BCL11B: variants seen among roughly 807,000 people sequenced by gnomAD.
BCL11B encodes BCL11 transcription factor B.
In BCL11B, 8 loss-of-function variants were observed where a neutral mutation model predicts 49.9. The observed-to-expected ratio is 0.16, with a 90% CI of 0.09 to 0.29. BCL11B has a LOEUF of 0.29. Among genes scored for constraint, BCL11B ranks in the 10% least tolerant of loss-of-function variants. BCL11B has a pLI of 1.00. For missense variants in BCL11B, 1,006 were observed against 1,351.0 expected (o/e 0.74, Z 4.00); for synonymous variants, 739 against 637.4 (o/e 1.16, Z -2.40).
At position 99,176,199 on chromosome 14, in the gene BCL11B, G is replaced by C. The variant is rs1226682667; in HGVS notation, c.641-4C>G. ...TAGCTGGAAGGCTCATCTTTACCTG[G>C]GGAAACACACGGACAGAAAGGCAGA... On this transcript the variant is annotated splice_region_variant and splice_polypyrimidine_tract_variant and intron_variant, in intron 3 of 3. Coordinates refer to ENST00000357195, the MANE Select transcript of BCL11B (RefSeq NM_138576.4). 1 of 1,609,902 alleles carries C rather than the reference G, an allele frequency of 6.2e-7. No individual in the cohort carries two copies. The highest frequency in any genetic ancestry group is 1.3e-5 in the African/African-American group (1 of 74,582).
chr14:99,245,458 G>A (rs1252703180), intron 2 of BCL11B, among the ~76,000 whole-genome samples: 19 of 152,208 alleles, frequency 1.2e-4, no homozygotes, highest in Admixed American at 1.2e-3. Flanking sequence ...CTTTGAGATG[G>A]GGCTGTTGCC....
Position 99,248,904 on chromosome 14 carries a change from C to A in BCL11B, c.427+8567G>T, listed in dbSNP as rs1021786014. Among the ~76,000 whole-genome samples the A allele has an allele frequency of 2.0e-5, 3 of 152,140 alleles. No homozygotes were observed. Among genetic ancestry groups the A allele is most frequent in the African/African-American group, 2.4e-5 (1 of 41,416 alleles). On this transcript the variant is annotated intron_variant, in intron 2 of 3. Transcript: ENST00000357195. This position sits in a 1 kb window ranked among gnomAD's most constrained non-coding sequence, Gnocchi z 4.7. ...GCTCAAGGTCACACAGCATGCCAGC[C>A]ACAGTAGGATGCCATCCTAGGTCTC...
rs1006376137 is a variant in BCL11B at position 99,213,812 on chromosome 14, C to A, written c.640+17533G>T. ...GGCAACAAGGCACAGGGGCCCCTGG[C>A]AAGGGCCCCCCGAGGGGCTGCCCCG... On this transcript the variant is annotated intron_variant, in intron 3 of 3. Coordinates refer to ENST00000357195, the MANE Select transcript of BCL11B (RefSeq NM_138576.4). This position sits in a 1 kb window ranked among gnomAD's most constrained non-coding sequence, Gnocchi z 5.1. 5.3e-5 allele frequency among the ~76,000 whole-genome samples: 8 copies of A among 152,302 alleles called. No homozygotes were observed. In the South Asian group the frequency reaches 1.2e-3, roughly 24 times the overall value.
At chr14:99,245,967 G>A (rs1199958237) in intron 2 of BCL11B, among the ~76,000 whole-genome samples, 1 of 152,128 alleles carries the variant, frequency 6.6e-6, no homozygotes, top group African/African-American at 2.4e-5. Context: ...GAAAGGAGCC[G>A]GGAAAAAAGA....
At chr14:99,264,052 CG>C (rs1889411534) in intron 1 of BCL11B, 1 of 152,238 alleles carries the variant, frequency 6.6e-6, no homozygotes, top group Non-Finnish European at 1.5e-5. Flanking sequence ...AGAGCCACAA[CG>C]GGCTCCTAAC....
rs1412660849 is a variant in BCL11B, at chr14:99,271,298, GCGCCGCTGCCGCCGCTGCCGCCGC to G, written c.-104_-81del. On this transcript the variant is annotated 5_prime_UTR_variant, in exon 1 of 4. Transcript: ENST00000357195. ...GGGGGAGGGGGTCCGAGCCGCCGCC[GCGCCGCTGCCGCCGCTGCCGCCGC>G]CGCCGCCGCCGCCGCACCTCCTCCT... The G allele has an allele frequency of 5.6e-6, 5 of 885,166 alleles. No individual in the cohort carries two copies. The highest frequency in any genetic ancestry group is 3.4e-5 in the East Asian group (1 of 29,330). 54.8% of individuals were successfully genotyped at this position (885,166 alleles called of 1,614,324 possible).
rs1326589103 is a variant in BCL11B at position 99,228,294 on chromosome 14, A to G, written c.640+3051T>C. On this transcript the variant is annotated intron_variant, in intron 3 of 3. Transcript: ENST00000357195. This position sits in a 1 kb window ranked among gnomAD's most constrained non-coding sequence, Gnocchi z 4.8. Reference sequence around the variant, plus strand: ...ACTACTAATTAAACAGGCACTAAAAACACTTAAGCAAACAGCCCAGTGCCA... The same window carrying G: ...ACTACTAATTAAACAGGCACTAAAAGCACTTAAGCAAACAGCCCAGTGCCA... 6.6e-6 allele frequency among the ~76,000 whole-genome samples: 1 copy of G among 152,192 alleles called. No homozygotes were observed. Among genetic ancestry groups the G allele is most frequent in the Non-Finnish European group, 1.5e-5 (1 of 68,020 alleles).
At chr14:99,181,708 G>A (rs1013236386) in intron 3 of BCL11B, among the ~76,000 whole-genome samples, 8 of 152,218 alleles carry the variant, frequency 5.3e-5, no homozygotes, top group African/African-American at 1.9e-4. Context: ...AAGCGAGCCT[G>A]CGGGGTATGA....
At chr14:99,239,503 T>C (rs775508632) in intron 2 of BCL11B, among the ~76,000 whole-genome samples, 1 of 152,310 alleles carries the variant, frequency 6.6e-6, no homozygotes, top group Admixed American at 6.5e-5. Context: ...CCCTCAGATA[T>C]GTTCCTATTT....
chr14:99,189,272 C>T (rs1231930828), intron 3 of BCL11B, among the ~76,000 whole-genome samples: 1 of 152,254 alleles, frequency 6.6e-6, no homozygotes, highest in Non-Finnish European at 1.5e-5. Flanking sequence ...GTGGTCATCT[C>T]GCCAGGCACA....
intron 3 of BCL11B, among the ~76,000 whole-genome samples, chr14:99,203,281 C>T (rs1194888215): frequency 6.6e-6 from 1 of 152,088 alleles, no homozygotes; most frequent in Non-Finnish European, 1.5e-5. Context: ...CCTGTAAATC[C>T]CATCATCAAA....
chr14:99,270,246 G>A (rs1302171373), intron 1 of BCL11B, among the ~76,000 whole-genome samples: 1 of 152,014 alleles, frequency 6.6e-6, no homozygotes, highest in Non-Finnish European at 1.5e-5. Flanking sequence ...TATTTAGATA[G>A]GAAAGATGAA....
chr14:99,186,452 G>A (rs1468323198), intron 3 of BCL11B, among the ~76,000 whole-genome samples: 3 of 152,190 alleles, frequency 2.0e-5, no homozygotes, highest in Non-Finnish European at 2.9e-5. Context: ...CCTTGGAGGC[G>A]GAGGTTGCAG....
intron 3 of BCL11B, among the ~76,000 whole-genome samples, chr14:99,218,983 T>A (rs1038735905): frequency 1.3e-5 from 2 of 152,162 alleles, no homozygotes; most frequent in Non-Finnish European, 2.9e-5. Flanking sequence ...GACCCCTCCA[T>A]CTTGGACCTG....
At position 99,173,231 on chromosome 14, in the gene BCL11B, T is replaced by C. The variant is rs1886348052; in HGVS notation, c.*920A>G. 4.4e-6 allele frequency: 1 copy of C among 226,990 alleles called. No individual in the cohort carries two copies. The highest frequency in any genetic ancestry group is 1.3e-3 in the Middle Eastern group (1 of 760). The allele number at this position is 226,990 out of a possible 1,614,324, so 14.1% of individuals were successfully genotyped here. On this transcript the variant is annotated 3_prime_UTR_variant, in exon 4 of 4. Transcript: ENST00000357195. ...TTTATGTAGCCTAATCTACAGCGAA[T>C]AGCAGCCATGGCACCCCAGGGCACA...
chr14:99,201,066 C>A lies in BCL11B; in HGVS notation c.641-24871G>T, dbSNP rs183235477. Among the ~76,000 whole-genome samples the A allele has an allele frequency of 6.5e-4, 99 of 152,328 alleles. 1 individual carries two copies. The East Asian group carries it at 0.018, about 27-fold the overall frequency. ...CGGACAGTGGACACACAGCACCCCC[C>A]ACCAGGCCTCCAGCATTTTCCTAAG... On this transcript the variant is annotated intron_variant, in intron 3 of 3. Transcript: ENST00000357195.
At chr14:99,214,412 G>T (rs1887771422) in intron 3 of BCL11B, among the ~76,000 whole-genome samples, 1 of 152,126 alleles carries the variant, frequency 6.6e-6, no homozygotes, top group East Asian at 1.9e-4. Context: ...TAAAAAATTA[G>T]CTGGGCATGG....
At chr14:99,199,084 CTT>C (rs1229510815) in intron 3 of BCL11B, among the ~76,000 whole-genome samples, 1 of 152,196 alleles carries the variant, frequency 6.6e-6, no homozygotes, top group Non-Finnish European at 1.5e-5. Flanking sequence ...TACTTGTCCG[CTT>C]CCTGAAAATG....
At chr14:99,256,561 C>A (rs2139950923) in intron 2 of BCL11B, among the ~76,000 whole-genome samples, 1 of 152,298 alleles carries the variant, frequency 6.6e-6, no homozygotes, top group East Asian at 1.9e-4. Flanking sequence ...CTCCCCCAGG[C>A]CTCCTGGGCT....
Sources: gnomAD v4.1 joint callset for allele counts (sites outside exome capture counted in the v4.1 genomes callset) on GRCh38, gnomAD v4.1.1 for gene constraint, Gnocchi (gnomAD v3.1) non-coding constraint, MANE v1.5 for transcripts, NCBI Gene and HGNC (gene_info 2026-07-23, HGNC 2026-07-21) for gene names.